The following LARP4B variants were observed in gnomAD, a reference collection of about 807,000 sequenced individuals.
The protein encoded by LARP4B is La ribonucleoprotein 4B.
In LARP4B, 12 loss-of-function variants were observed where a neutral mutation model predicts 89.8. The ratio of observed to expected loss-of-function variants is 0.13; its 90% confidence interval spans 0.09 to 0.22. The LOEUF (loss-of-function observed/expected upper bound fraction) is 0.22. LARP4B is among the 10% of genes least tolerant of loss of function. The pLI is 1.00. For missense variants in LARP4B, 757 were observed against 947.7 expected, an observed-to-expected ratio of 0.80 and a Z score of 2.64; for synonymous variants, 367 against 363.3, an observed-to-expected ratio of 1.01 and a Z score of -0.12.
the LARP4B span, chr10:972,047 G>A: frequency 9.5e-5 from 15 of 158,186 alleles, no homozygotes; most frequent in Non-Finnish European, 1.8e-4. Context: ...TTTTTGAGAC[G>A]GAGTTTTGCA....
At chr10:916,644 G>A (rs1199051795) in intron 1 of LARP4B, among the ~76,000 whole-genome samples, 2 of 152,256 alleles carry the variant, frequency 1.3e-5, no homozygotes, top group South Asian at 2.1e-4. Context: ...GCAGTGAGCC[G>A]AGATCACGCC....
rs142302787 is a variant in LARP4B at position 822,655 on chromosome 10, C to T, written c.1485-1810G>A. 0.021 allele frequency among the ~76,000 whole-genome samples: 3,239 copies of T among 152,316 alleles called. 65 individuals carry two copies. Among genetic ancestry groups the T allele is most frequent in the Admixed American group, 0.061 (930 of 15,302 alleles). On this transcript the variant is annotated intron_variant, in intron 13 of 17. Coordinates refer to ENST00000316157, the MANE Select transcript of LARP4B (RefSeq NM_015155.3). The surrounding 1 kb of genome is among the most constrained non-coding windows in gnomAD (Gnocchi z 4.6). ...GTGACAGGGCCATGGTGGGTTACAG[C>T]TCACAAGGGGTAGCAAGGGACCCAG...
chr10:830,774 G>C, intron 9 of LARP4B, 93 bp downstream of exon 9: 1 of 657,656 alleles, frequency 1.5e-6, no homozygotes, highest in East Asian at 2.9e-5. Context: ...ACCATCACAA[G>C]TAATCTCAAT....
the LARP4B span, among the ~76,000 whole-genome samples, chr10:953,962 G>A: frequency 9.9e-5 from 15 of 152,216 alleles, no homozygotes; most frequent in Admixed American, 2.0e-4. Flanking sequence ...TTGCTGATTC[G>A]GAGCAAGGGG....
At chr10:864,363 G>T (rs1240779201) in intron 3 of LARP4B, 93 bp from the exon 4 acceptor site, 2 of 1,190,256 alleles carry the variant, frequency 1.7e-6, no homozygotes, top group Non-Finnish European at 2.5e-6. Context: ...TCAGATATAG[G>T]CTCCAAAGGC....
intron 1 of LARP4B, among the ~76,000 whole-genome samples, chr10:922,183 T>C (rs1316937241): frequency 6.6e-6 from 1 of 152,154 alleles, no homozygotes; most frequent in East Asian, 1.9e-4. Flanking sequence ...CTAGATCCCT[T>C]GCATGTGCAG....
At chr10:974,694 C>T in the LARP4B span, among the ~76,000 whole-genome samples, 1 of 152,218 alleles carries the variant, frequency 6.6e-6, no homozygotes, top group Non-Finnish European at 1.5e-5. Flanking sequence ...TTAGGCCAGA[C>T]TGTAATCGGT....
At chr10:944,943 A>G in the LARP4B span, among the ~76,000 whole-genome samples, 1 of 152,250 alleles carries the variant, frequency 6.6e-6, no homozygotes, top group African/African-American at 2.4e-5. Flanking sequence ...AACAAATGTT[A>G]GCAATTTGGA....
chr10:875,240 T>G (rs1190934085), intron 3 of LARP4B, among the ~76,000 whole-genome samples: 2 of 152,230 alleles, frequency 1.3e-5, no homozygotes, highest in Admixed American at 1.3e-4. Context: ...GTGTCATCTC[T>G]GGCAAATTAT....
At chr10:905,993 T>C (rs1836481799) in intron 1 of LARP4B, among the ~76,000 whole-genome samples, 1 of 152,260 alleles carries the variant, frequency 6.6e-6, no homozygotes, top group Non-Finnish European at 1.5e-5. Flanking sequence ...TCTCTTGCCC[T>C]GTGCAATCAA....
chr10:899,675 C>T (rs755058773), intron 1 of LARP4B, among the ~76,000 whole-genome samples: 2 of 152,168 alleles, frequency 1.3e-5, no homozygotes, highest in Non-Finnish European at 2.9e-5. Flanking sequence ...TGATTAGGAA[C>T]AATGAGTTAA....
At chr10:920,376 A>C (rs1338877186) in intron 1 of LARP4B, among the ~76,000 whole-genome samples, 1 of 152,390 alleles carries the variant, frequency 6.6e-6, no homozygotes, top group East Asian at 1.9e-4. Context: ...ACTAGTTACC[A>C]AATCTCAGTT....
intron 6 of LARP4B, among the ~76,000 whole-genome samples, chr10:844,330 G>A (rs1199095367): frequency 6.6e-6 from 1 of 152,190 alleles, no homozygotes; most frequent in Admixed American, 6.5e-5. Context: ...GCATGGGCAT[G>A]GGGAGGAGGC....
chr10:895,474 G>A (rs956774195), intron 1 of LARP4B, among the ~76,000 whole-genome samples: 1 of 151,676 alleles, frequency 6.6e-6, no homozygotes, highest in Non-Finnish European at 1.5e-5. Context: ...AAGGTAGGGA[G>A]ATCACATGAA....
the LARP4B span, chr10:988,175 G>A: frequency 1.5e-5 from 5 of 344,812 alleles, no homozygotes; most frequent in Non-Finnish European, 2.2e-5. Flanking sequence ...CCAGAAACCC[G>A]CAGGGCAGTC....
At chr10:886,624 T>C (rs1835865921) in intron 1 of LARP4B, among the ~76,000 whole-genome samples, 1 of 152,206 alleles carries the variant, frequency 6.6e-6, no homozygotes, top group Non-Finnish European at 1.5e-5. Flanking sequence ...GAATTATGTA[T>C]TATTCAGCCT....
intron 1 of LARP4B, among the ~76,000 whole-genome samples, chr10:899,036 G>A (rs1836262818): frequency 1.3e-5 from 2 of 152,130 alleles, no homozygotes; most frequent in Non-Finnish European, 2.9e-5. Context: ...CCCTTTTACA[G>A]TAATATTCAC....
At chr10:975,923 C>T in the LARP4B span, among the ~76,000 whole-genome samples, 8 of 150,808 alleles carry the variant, frequency 5.3e-5, no homozygotes, top group Non-Finnish European at 1.2e-4. Context: ...CGTGTGGACC[C>T]GGCCTAGTAG....
intron 1 of LARP4B, among the ~76,000 whole-genome samples, chr10:926,418 C>A (rs1340169324): frequency 6.6e-6 from 1 of 152,156 alleles, no homozygotes; most frequent in Non-Finnish European, 1.5e-5. Context: ...GCAATGGCTA[C>A]AACGTTTGCA....
Sources: gnomAD v4.1 joint callset for allele counts (sites outside exome capture counted in the v4.1 genomes callset) on GRCh38, gnomAD v4.1.1 for gene constraint, Gnocchi (gnomAD v3.1) non-coding constraint, MANE v1.5 for transcripts, NCBI Gene and HGNC (gene_info 2026-07-23, HGNC 2026-07-21) for gene names.